XPOT: variants seen among roughly 807,000 people sequenced by gnomAD.
XPOT encodes the protein exportin-T.
Under a neutral mutation model 128.2 loss-of-function variants are expected in XPOT, and 34 were observed. The observed-to-expected ratio is 0.27, with a 90% CI of 0.20 to 0.35. The LOEUF (loss-of-function observed/expected upper bound fraction) is 0.35, where lower values mean the gene tolerates loss of function less well. XPOT is among the 10% of genes least tolerant of loss of function. The pLI is 1.00. For synonymous variants in XPOT, 348 were observed against 394.3 expected (o/e 0.88, Z 1.39); for missense variants, 838 against 1,125.3 (o/e 0.74, Z 3.65).
intron 11 of XPOT, among the ~76,000 whole-genome samples, chr12:64,423,484 C>T (rs1251877355): frequency 1.3e-5 from 2 of 151,736 alleles, no homozygotes; most frequent in African/African-American, 2.4e-5. Context: ...GACAGAGTCT[C>T]ACTCTGTCAC....
At chr12:64,445,199 A>C in intron 24 of XPOT, 68 bp downstream of exon 24, 1 of 1,189,288 alleles carries the variant, frequency 8.4e-7, no homozygotes, top group Non-Finnish European at 1.2e-6. Context: ...GAGAGAATAC[A>C]TACCTGCAAT....
At chr12:64,404,927 G>A (rs1301196746) in intron 1 of XPOT, 123 bp downstream of exon 1, 1 of 152,074 alleles carries the variant, frequency 6.6e-6, no homozygotes, top group Non-Finnish European at 1.5e-5. Context: ...GCAGGCTTGG[G>A]ACCCTCTATG....
Position 64,423,142 on chromosome 12 carries a change from A to G in XPOT, c.1120-40A>G, listed in dbSNP as rs777828370. Reference sequence around the variant, plus strand: ...TTTCAAATTATATCAAATTAGAAGGAGACTGACAAAAACTCTTTTATTCTC... The same window carrying G: ...TTTCAAATTATATCAAATTAGAAGGGGACTGACAAAAACTCTTTTATTCTC... On this transcript the variant is annotated intron_variant, in intron 10 of 24. Coordinates refer to ENST00000332707, the MANE Select transcript of XPOT (RefSeq NM_007235.6). 2.5e-6 allele frequency: 4 copies of G among 1,591,982 alleles called. No individual in the cohort carries two copies. In the South Asian group the frequency reaches 3.4e-5, roughly 14 times the overall value.
intron 1 of XPOT, among the ~76,000 whole-genome samples, chr12:64,407,730 C>T (rs1484970872): frequency 6.6e-6 from 1 of 152,196 alleles, no homozygotes; most frequent in Non-Finnish European, 1.5e-5. Context: ...CCATATGGTT[C>T]ACTAGCACTG....
chr12:64,442,980 G>C (rs904242922), intron 23 of XPOT: 2 of 152,310 alleles, frequency 1.3e-5, no homozygotes, highest in East Asian at 1.9e-4. Context: ...CGAGTAGCTG[G>C]GATTACAGGC....
chr12:64,414,909 C>T lies in XPOT; in HGVS notation c.63C>T (p.Ala21=), dbSNP rs150255616. The T allele has an allele frequency of 7.8e-4, 1,254 of 1,609,492 alleles. 7 individuals carry two copies. In the African/African-American group the frequency reaches 0.015, roughly 19 times the overall value. ...TTTTTTGTTTTGCAATCTTATAGGC[C>T]CTGGCCTATTTTGAGCAGTTAAAAA... ...PNADSDFRQR[A]LAYFEQLKIS... is the part of the protein sequence containing the mutation. Residue 21 remains alanine, a splice_region_variant and synonymous_variant, in exon 3 of 25, where the codon GCC becomes GCT. Transcript: ENST00000332707.
Position 64,425,026 on chromosome 12 carries a change from A to C in XPOT, c.1308-12A>C. 2 of 1,612,228 alleles carry C rather than the reference A, an allele frequency of 1.2e-6. No individual in the cohort carries two copies. Among genetic ancestry groups the C allele is most frequent in the Non-Finnish European group, 1.7e-6 (2 of 1,179,946 alleles). ...TATCTTTAAATCTCACTGACATATTATACCTTGGTAGGAATTGGCAGACTA... is the reference window on the plus strand; with the variant it reads ...TATCTTTAAATCTCACTGACATATTCTACCTTGGTAGGAATTGGCAGACTA... On this transcript the variant is annotated splice_polypyrimidine_tract_variant and intron_variant, in intron 12 of 24. Coordinates refer to ENST00000332707, the MANE Select transcript of XPOT (RefSeq NM_007235.6).
chr12:64,438,867 T>G (rs1592339644), intron 22 of XPOT, among the ~76,000 whole-genome samples: 1 of 152,004 alleles, frequency 6.6e-6, no homozygotes, highest in African/African-American at 2.4e-5. Flanking sequence ...TGACCTCAAG[T>G]GATCACCCAT....
chr12:64,408,777 G>A (rs1476919288), intron 1 of XPOT, among the ~76,000 whole-genome samples: 1 of 152,052 alleles, frequency 6.6e-6, no homozygotes, highest in African/African-American at 2.4e-5. Context: ...GGGTTCAAGC[G>A]ATTCTTGTGC....
Position 64,434,866 on chromosome 12 carries a change from C to A in XPOT, c.2642C>A (p.Pro881His). 6.2e-7 allele frequency: 1 copy of A among 1,612,262 alleles called. No homozygotes were observed. Reference protein sequence around the residue: ...KHIVPACFLAPLKQTFDLADA... With the variant: ...KHIVPACFLAHLKQTFDLADA... ...ATTGTCCCCGCATGTTTCCTAGCAC[C>A]TTTAAAACAAACCTTTGACCTGGCA... Residue 881 changes from proline to histidine, a missense_variant, in exon 21 of 25, where the codon CCT becomes CAT. Around this residue, in one of 3 missense-constraint regions of XPOT, gnomAD observed 21 missense variants for 57.8 expected, o/e 0.36. Coordinates refer to ENST00000332707, the MANE Select transcript of XPOT (RefSeq NM_007235.6).
chr12:64,412,179 A>G (rs1297963338), intron 2 of XPOT, among the ~76,000 whole-genome samples: 1 of 151,502 alleles, frequency 6.6e-6, no homozygotes, highest in Non-Finnish European at 1.5e-5. Flanking sequence ...AGCACACACC[A>G]CCACGCCTAG....
At position 64,433,595 on chromosome 12, in the gene XPOT, C is replaced by T. The variant is rs1310370520; in HGVS notation, c.2444C>T (p.Ala815Val). 4 of 1,599,544 alleles carry T rather than the reference C, an allele frequency of 2.5e-6. No individual in the cohort carries two copies. The highest frequency in any genetic ancestry group is 3.4e-6 in the Non-Finnish European group (4 of 1,170,904). ...VTGSGMSEVI[A>V]NQGAENVERV... ...GGCAGTGGGATGAGCGAAGTTATAG[C>T]AAATCAAGGTGGGAACACATGCCAT... is the stretch of plus-strand genomic sequence containing the variant. Residue 815 changes from alanine (A) to valine (V), a missense_variant, in exon 19 of 25, where the codon GCA becomes GTA. This residue lies in a region of XPOT where 761 missense variants were observed against 988.3 expected (regional missense o/e 0.77). Transcript: ENST00000332707.
chr12:64,410,189 G>T, intron 2 of XPOT, 94 bp downstream of exon 2: 1 of 1,214,754 alleles, frequency 8.2e-7, no homozygotes, highest in South Asian at 1.3e-5. Flanking sequence ...AGTTTACTTT[G>T]GGTAGAAATG....
intron 2 of XPOT, among the ~76,000 whole-genome samples, chr12:64,413,091 T>C (rs1162771815): frequency 6.6e-6 from 1 of 152,138 alleles, no homozygotes; most frequent in Non-Finnish European, 1.5e-5. Flanking sequence ...GGTAAAAGTT[T>C]CAACACTCTA....
chr12:64,445,557 AT>A (rs1006008960), intron 24 of XPOT, among the ~76,000 whole-genome samples: 25 of 149,142 alleles, frequency 1.7e-4, no homozygotes, highest in Non-Finnish European at 1.8e-4. Context: ...GAAATTACTG[AT>A]TTTTTTTTTT....
At chr12:64,440,277 ATGT>A (rs1386092897) in intron 23 of XPOT, among the ~76,000 whole-genome samples, 1 of 152,190 alleles carries the variant, frequency 6.6e-6, no homozygotes, top group African/African-American at 2.4e-5. Flanking sequence ...AGGTTCATCC[ATGT>A]TGTTACATAT....
intron 6 of XPOT, among the ~76,000 whole-genome samples, chr12:64,419,787 G>A (rs2040121559): frequency 6.6e-6 from 1 of 152,192 alleles, no homozygotes; most frequent in South Asian, 2.1e-4. Context: ...CATAGTGTAA[G>A]TACTATGTTA....
chr12:64,431,140 G>T (rs1381598064), intron 17 of XPOT, among the ~76,000 whole-genome samples: 1 of 151,992 alleles, frequency 6.6e-6, no homozygotes, highest in Non-Finnish European at 1.5e-5. Flanking sequence ...GACCGGTTTT[G>T]ACCATGTTGT....
At chr12:64,420,575 T>C (rs545251470) in intron 8 of XPOT, 54 bp downstream of exon 8, 1 of 1,365,256 alleles carries the variant, frequency 7.3e-7, no homozygotes, top group African/African-American at 1.4e-5. Flanking sequence ...CAAACTGGGA[T>C]AGGTACTAAG....
Sources: gnomAD v4.1 joint callset for allele counts (sites outside exome capture counted in the v4.1 genomes callset) on GRCh38, gnomAD v4.1.1 for gene constraint, gnomAD v4.1.1 regional missense constraint, MANE v1.5 for transcripts, NCBI Gene and HGNC (gene_info 2026-07-23, HGNC 2026-07-21) for gene names.